Variants in SLCO1A2 observed in about 807,000 individuals in gnomAD.
SLCO1A2 encodes the protein solute carrier organic anion transporter family member 1A2.
A neutral mutation model predicts 69.0 loss-of-function variants in SLCO1A2; 67 were observed. The ratio of observed to expected loss-of-function variants is 0.97; its 90% CI spans 0.80 to 1.19. SLCO1A2 has a LOEUF of 1.19. Ranked by LOEUF, SLCO1A2 falls within the 50% of genes most tolerant of loss-of-function variation. The pLI is 0.00. For synonymous variants in SLCO1A2, 260 were observed against 265.9 expected (o/e 0.98, Z 0.22); for missense variants, 787 against 793.7 (o/e 0.99, Z 0.10).
chr12:21,417,391 T>C, intron 1 of SLCO1A2, among the ~76,000 whole-genome samples: 1 of 150,196 alleles, frequency 6.7e-6, no homozygotes. Context: ...AGAAAGCTAT[T>C]TTTTTAAGTT....
At chr12:21,407,577 A>C (rs1212489087) in intron 1 of SLCO1A2, among the ~76,000 whole-genome samples, 1 of 152,136 alleles carries the variant, frequency 6.6e-6, no homozygotes, top group South Asian at 2.1e-4. Context: ...AAGGCAGACG[A>C]ATCACTTGAG....
chr12:21,327,678 AT>A (rs1446816597), intron 2 of SLCO1A2, among the ~76,000 whole-genome samples: 1 of 152,042 alleles, frequency 6.6e-6, no homozygotes, highest in Non-Finnish European at 1.5e-5. Context: ...CATCTTCTTC[AT>A]TTTGGTTAAT....
chr12:21,351,727 G>A (rs373804971), intron 2 of SLCO1A2, among the ~76,000 whole-genome samples: 14 of 151,038 alleles, frequency 9.3e-5, no homozygotes, highest in African/African-American at 3.2e-4. Flanking sequence ...GCAGTGAGCC[G>A]AGATCACGCC....
intron 1 of SLCO1A2, among the ~76,000 whole-genome samples, chr12:21,402,041 C>A (rs1941722910): frequency 6.8e-6 from 1 of 146,246 alleles, no homozygotes; most frequent in Non-Finnish European, 1.5e-5. Flanking sequence ...TGAAAAAGAG[C>A]AATGGATTAG....
At chr12:21,360,355 A>C (rs1263209123) in intron 2 of SLCO1A2, among the ~76,000 whole-genome samples, 2 of 152,230 alleles carry the variant, frequency 1.3e-5, no homozygotes, top group Non-Finnish European at 2.9e-5. Flanking sequence ...CACCAATATA[A>C]AAATAAATAA....
chr12:21,363,156 C>A (rs1399448103), intron 2 of SLCO1A2, among the ~76,000 whole-genome samples: 1 of 152,126 alleles, frequency 6.6e-6, no homozygotes, highest in Non-Finnish European at 1.5e-5. Context: ...TAAAGCACTC[C>A]TCAGCAAATG....
chr12:21,379,758 AT>A (rs1420010655), intron 1 of SLCO1A2: 1 of 152,180 alleles, frequency 6.6e-6, no homozygotes, highest in African/African-American at 2.4e-5. Flanking sequence ...AATAGAAAAA[AT>A]AAGCATTTCA....
rs150713228 is a variant in SLCO1A2, at chr12:21,304,521, A to G, written c.495T>C (p.Asn165=). 6.2e-7 allele frequency: 1 copy of G among 1,613,116 alleles called. No homozygotes were observed. The highest frequency in any genetic ancestry group is 1.3e-5 in the African/African-American group (1 of 74,846). Residue 165 remains asparagine (N), a synonymous_variant, in exon 6 of 15, where the codon AAT becomes AAC. Transcript: ENST00000683939. ...SLMWVYVLVG[N]IVRGMGETPI... is the part of the protein sequence containing the mutation. ...GAGTTTCACCCATTCCACGTACAAT[A>G]TTGCCTACTAGGACGTACACCCACA...
At chr12:21,299,782 ATATATATACACACACACG>A (rs1282267531) in intron 8 of SLCO1A2, among the ~76,000 whole-genome samples, 1 of 116,116 alleles carries the variant, frequency 8.6e-6, no homozygotes, top group African/African-American at 4.0e-5. Flanking sequence ...ATATATATAT[ATATATATACACACACACG>A]TATATATATA....
Position 21,318,678 on chromosome 12 carries a change from T to A in SLCO1A2, c.202+104A>T, listed in dbSNP as rs568838029. 2.4e-5 allele frequency: 22 copies of A among 923,034 alleles called. No homozygotes were observed. The African/African-American group carries it at 3.7e-4, about 16-fold the overall frequency. The allele number at this position is 923,034 out of a possible 1,614,324, so 57.2% of individuals were successfully genotyped here. ...TAGTTTTAGAAAACTTATAACTCGG[T>A]CAGATTAAATGACCTAAAACAGCAA... On this transcript the variant is annotated intron_variant, in intron 3 of 14. Transcript: ENST00000683939.
chr12:21,275,546 C>T, intron 12 of SLCO1A2, 122 bp from the exon 13 acceptor site: 2 of 1,039,558 alleles, frequency 1.9e-6, no homozygotes, highest in Middle Eastern at 3.6e-4. Flanking sequence ...TACTTTCATG[C>T]TCACTTATTG....
upstream of SLCO1A2, among the ~76,000 whole-genome samples, chr12:21,395,910 AC>A (rs1469053813): frequency 1.3e-5 from 2 of 151,238 alleles, no homozygotes; most frequent in Non-Finnish European, 3.0e-5. Flanking sequence ...AGATAAAACC[AC>A]AAAGATGGGG....
chr12:21,328,935 C>T (rs1347418935), intron 2 of SLCO1A2, among the ~76,000 whole-genome samples: 1 of 152,150 alleles, frequency 6.6e-6, no homozygotes, highest in Non-Finnish European at 1.5e-5. Context: ...AGCATATCAA[C>T]TACATTATCT....
intron 2 of SLCO1A2, among the ~76,000 whole-genome samples, chr12:21,366,408 C>T (rs1431388704): frequency 5.8e-5 from 3 of 51,514 alleles, no homozygotes; most frequent in African/African-American, 8.9e-5. Flanking sequence ...GGGGGGTGGG[C>T]GGGGGAGGGA....
intron 8 of SLCO1A2, among the ~76,000 whole-genome samples, chr12:21,298,589 T>C (rs1948113139): frequency 6.6e-6 from 1 of 152,166 alleles, no homozygotes; most frequent in Non-Finnish European, 1.5e-5. Flanking sequence ...GTTATAATTG[T>C]AAAATTTATA....
chr12:21,324,301 C>T (rs76401167), intron 2 of SLCO1A2, among the ~76,000 whole-genome samples: 2,773 of 152,302 alleles, frequency 0.018, 64 homozygotes, highest in Admixed American at 0.065. Context: ...TTTTCTCTCT[C>T]TCTAGCCCTC....
intron 2 of SLCO1A2, among the ~76,000 whole-genome samples, chr12:21,348,245 C>T (rs1182724995): frequency 6.6e-6 from 1 of 152,122 alleles, no homozygotes; most frequent in African/African-American, 2.4e-5. Context: ...AGTTGCAAAC[C>T]ATCCAGTTAC....
At chr12:21,331,187 C>T (rs1327057522) in intron 2 of SLCO1A2, among the ~76,000 whole-genome samples, 2 of 151,974 alleles carry the variant, frequency 1.3e-5, no homozygotes, top group East Asian at 1.9e-4. Flanking sequence ...TGAAACTCCA[C>T]AGAGAAAGAA....
chr12:21,290,691 G>A (rs887124297), intron 12 of SLCO1A2, among the ~76,000 whole-genome samples: 5 of 152,060 alleles, frequency 3.3e-5, no homozygotes, highest in African/African-American at 4.8e-5. Flanking sequence ...AAGGTAAAGC[G>A]GGAAAGCCAG....
Sources: gnomAD v4.1 joint callset for allele counts (sites outside exome capture counted in the v4.1 genomes callset) on GRCh38, gnomAD v4.1.1 for gene constraint, MANE v1.5 for transcripts, NCBI Gene and HGNC (gene_info 2026-07-23, HGNC 2026-07-21) for gene names.